Variants in DIAPH2 observed in about 807,000 individuals in gnomAD.
DIAPH2 encodes the protein protein diaphanous homolog 2.
A neutral mutation model predicts 92.7 loss-of-function variants in DIAPH2; 35 were observed. The ratio of observed to expected loss-of-function variants is 0.38; its 90% CI spans 0.29 to 0.50. The LOEUF is 0.50. Among genes scored for constraint, DIAPH2 ranks in the 20% least tolerant of loss-of-function variants. DIAPH2 has a pLI of 0.94. For synonymous variants in DIAPH2, 301 were observed against 280.4 expected (o/e 1.07, Z -0.73); for missense variants, 701 against 819.5 (o/e 0.86, Z 1.77).
At chrX:96,920,203 T>C (rs919958446) in intron 9 of DIAPH2, among the ~76,000 whole-genome samples, 3 of 111,482 alleles carry the variant, frequency 2.7e-5, no homozygotes, top group Admixed American at 9.6e-5. Context: ...TGTTTTTTAA[T>C]AATACATTGT....
At chrX:96,823,465 C>G (rs1004747429) in intron 4 of DIAPH2, among the ~76,000 whole-genome samples, 1 of 109,976 alleles carries the variant, frequency 9.1e-6, no homozygotes, top group African/African-American at 3.3e-5. Flanking sequence ...ATAGTATGAC[C>G]CCAATTTTCT....
intron 4 of DIAPH2, among the ~76,000 whole-genome samples, chrX:96,863,717 G>A (rs1198997046): frequency 9.1e-6 from 1 of 110,356 alleles, no homozygotes; most frequent in Non-Finnish European, 1.9e-5. Flanking sequence ...CTAGAGTTTT[G>A]TATCTCATTT....
intron 17 of DIAPH2, among the ~76,000 whole-genome samples, chrX:97,063,472 A>G (rs1171870103): frequency 3.6e-5 from 4 of 111,901 alleles, no homozygotes; most frequent in Non-Finnish European, 5.6e-5. Flanking sequence ...GATGGTAGAA[A>G]CTAATTTTTT....
At chrX:96,815,304 A>G (rs2064723459) in intron 4 of DIAPH2, among the ~76,000 whole-genome samples, 1 of 111,824 alleles carries the variant, frequency 8.9e-6, no homozygotes, top group East Asian at 2.8e-4. Context: ...GCAGTGAGCA[A>G]GGCTCCATGG....
chrX:97,197,835 T>A (rs1487120679), intron 22 of DIAPH2, among the ~76,000 whole-genome samples: 1 of 112,065 alleles, frequency 8.9e-6, no homozygotes, highest in Non-Finnish European at 1.9e-5. Context: ...CACAACCACG[T>A]TGGCTGTCAA....
At chrX:97,336,711 T>C (rs776827438) in intron 23 of DIAPH2, among the ~76,000 whole-genome samples, 17 of 112,209 alleles carry the variant, frequency 1.5e-4, no homozygotes, top group African/African-American at 4.8e-4. Context: ...AGTAGGCATT[T>C]AATCAAAATG....
At chrX:97,591,938 A>C (rs995371843) in intron 26 of DIAPH2, among the ~76,000 whole-genome samples, 2 of 112,131 alleles carry the variant, frequency 1.8e-5, no homozygotes, top group Non-Finnish European at 3.8e-5. Flanking sequence ...ATCAATGGCA[A>C]GGTCTGTGGC....
At chrX:96,722,806 G>A (rs1238747954) in intron 1 of DIAPH2, among the ~76,000 whole-genome samples, 1 of 111,366 alleles carries the variant, frequency 9.0e-6, no homozygotes, top group Non-Finnish European at 1.9e-5. Context: ...CACTTTTGTG[G>A]TGTTTCCAGG....
At chrX:96,787,132 A>G (rs2064462458) in intron 4 of DIAPH2, among the ~76,000 whole-genome samples, 1 of 111,782 alleles carries the variant, frequency 8.9e-6, no homozygotes, top group Non-Finnish European at 1.9e-5. Context: ...TTTCAGTAGC[A>G]GTACCAATCT....
At chrX:96,997,618 A>G (rs187920889) in intron 17 of DIAPH2, among the ~76,000 whole-genome samples, 12 of 111,536 alleles carry the variant, frequency 1.1e-4, no homozygotes, top group African/African-American at 3.6e-4. Flanking sequence ...GATTATAGAT[A>G]TGTCTCAGTC....
intron 17 of DIAPH2, among the ~76,000 whole-genome samples, chrX:96,971,007 C>G (rs769611294): frequency 1.8e-5 from 2 of 111,617 alleles, no homozygotes; most frequent in Non-Finnish European, 3.8e-5. Context: ...GTAAACTTCC[C>G]CCTCCATTTC....
chrX:97,258,889 AAACAACAAC>A (rs1178257689), intron 23 of DIAPH2, among the ~76,000 whole-genome samples: 5 of 102,094 alleles, frequency 4.9e-5, no homozygotes, highest in Non-Finnish European at 7.9e-5. Context: ...AAAAAAAAAA[AAACAACAAC>A]AACAACAACA....
Position 97,439,483 on chromosome X carries a change from T to A in DIAPH2, c.3241+9738T>A, listed in dbSNP as rs182544318. ...AGCTACTTGGGCTGAGGCAGGAGAA[T>A]CGCTTGAACCCAGGAGGCAGAGGTT... is the stretch of plus-strand genomic sequence containing the variant. On this transcript the variant is annotated intron_variant, in intron 26 of 26. Transcript: ENST00000324765. Among the ~76,000 whole-genome samples the A allele has an allele frequency of 1.6e-3, 175 of 109,101 alleles. 2 individuals carry two copies. The highest frequency in any genetic ancestry group is 5.6e-3 in the African/African-American group (168 of 29,893). The allele number at this position is 109,101 out of a possible 115,157, so 94.7% of individuals were successfully genotyped here. A position where few individuals can be genotyped will look rare whatever the true frequency, so the allele number is the denominator to read the frequency against.
intron 26 of DIAPH2, among the ~76,000 whole-genome samples, chrX:97,463,679 A>G (rs2070481458): frequency 9.0e-6 from 1 of 111,389 alleles, no homozygotes; most frequent in South Asian, 3.8e-4. Flanking sequence ...CCCGGCCTCT[A>G]CTATTTGTAT....
At chrX:96,791,382 G>A (rs1254574871) in intron 4 of DIAPH2, among the ~76,000 whole-genome samples, 1 of 111,600 alleles carries the variant, frequency 9.0e-6, no homozygotes, top group African/African-American at 3.3e-5. Context: ...TGTGGAGAAA[G>A]GGAAGGCAAT....
intron 1 of DIAPH2, among the ~76,000 whole-genome samples, chrX:96,713,076 A>G (rs906971382): frequency 9.0e-6 from 1 of 111,542 alleles, no homozygotes; most frequent in Admixed American, 9.5e-5. Context: ...ATACACACTT[A>G]TGTGCACAAG....
In DIAPH2 at chrX:96,930,821, C is replaced by G. The variant is rs1338878948; in HGVS notation, c.1067C>G (p.Ser356Ter). 2 of 1,189,821 alleles carry G rather than the reference C, an allele frequency of 1.7e-6. No homozygotes were observed. Residue 356 changes from serine to a stop codon, truncating the protein, a stop_gained, in exon 10 of 27, where the codon TCA (serine) becomes TGA (stop). Coordinates refer to ENST00000324765, the MANE Select transcript of DIAPH2 (RefSeq NM_006729.5). LOFTEE classifies it high-confidence loss of function. ...CATTTAAGGAATGAATTCCTCCGTT[C>G]AGGACTAAAAACAATGTTACCAGTA... ...RIHLRNEFLR[S>*]GLKTMLPDLK...
At chrX:97,115,101 T>G (rs1569304680) in intron 21 of DIAPH2, 136 bp downstream of exon 21, 1 of 529,489 alleles carries the variant, frequency 1.9e-6, no homozygotes, top group African/African-American at 2.3e-5. Flanking sequence ...ATGCGAATTA[T>G]ATCTCAATTC....
Position 96,900,020 on chromosome X carries a change from G to A in DIAPH2, c.588-12308G>A, listed in dbSNP as rs189847010. Among the ~76,000 whole-genome samples, 667 of 111,454 alleles carry A rather than the reference G, an allele frequency of 6.0e-3. 5 individuals carry two copies. Among genetic ancestry groups the A allele is most frequent in the African/African-American group, 0.02 (618 of 30,712 alleles). The stretch of plus-strand genomic sequence containing the variant: ...TGTCTTTGGTTCTGTTTATATGCTC[G>A]ATTACATTTATTGACTTGCGTATAT... On this transcript the variant is annotated intron_variant, in intron 5 of 26. Transcript: ENST00000324765.
Sources: allele counts gnomAD v4.1 joint callset (sites outside exome capture counted in the v4.1 genomes callset), GRCh38; gene constraint gnomAD v4.1.1; transcripts MANE v1.5; gene names NCBI Gene and HGNC (gene_info 2026-07-23, HGNC 2026-07-21).